The following HEATR5A variants were observed in gnomAD, a reference collection of about 807,000 sequenced individuals.
HEATR5A encodes the protein HEAT repeat-containing protein 5A.
HEATR5A carries 178 observed loss-of-function variants against 218.8 expected under a neutral mutation model. The observed-to-expected ratio is 0.81, with a 90% CI of 0.72 to 0.92. The LOEUF is 0.92. HEATR5A is among the 40% of genes least tolerant of loss of function. The probability of loss-of-function intolerance (pLI) is 0.00; values close to 1 mark genes in which losing one functional copy is unlikely to be tolerated. For missense variants in HEATR5A, 2,420 were observed against 2,418.9 expected, an observed-to-expected ratio of 1.00 and a Z score of -0.01; for synonymous variants, 864 against 871.6, an observed-to-expected ratio of 0.99 and a Z score of 0.15.
At chr14:31,378,591 T>C (rs1029027391) in intron 11 of HEATR5A, among the ~76,000 whole-genome samples, 9 of 152,040 alleles carry the variant, frequency 5.9e-5, no homozygotes, top group African/African-American at 2.2e-4. Flanking sequence ...ATCGAGGCCA[T>C]CCTGGCTAAC....
chr14:31,365,696 GCT>G lies in HEATR5A; in HGVS notation c.1962-1400_1962-1399del, dbSNP rs529312049. ...GTTGTTGTTGTCGAGACAGGGTCTTGCTCTGTCGCCCAGGCTGGATTGTAGTG... is the reference window on the plus strand; with the variant it reads ...GTTGTTGTTGTCGAGACAGGGTCTTGCTGTCGCCCAGGCTGGATTGTAGTG... On this transcript the variant is annotated intron_variant, in intron 13 of 35. Transcript: ENST00000543095. Among the ~76,000 whole-genome samples the G allele has an allele frequency of 2.8e-4, 43 of 151,232 alleles. No individual in the cohort carries two copies. The East Asian group carries it at 7.3e-3, about 26-fold the overall frequency.
At position 31,293,049 on chromosome 14, in the gene HEATR5A, T is replaced by C; in HGVS notation, c.*256A>G. On this transcript the variant is annotated 3_prime_UTR_variant, in exon 36 of 36. Transcript: ENST00000543095. ...GGATTGTTTAGTAAGTTTAGTTCTT[T>C]AGCACTTTCTTAAAATTCCTGGCAA... is the stretch of plus-strand genomic sequence containing the variant. The C allele has an allele frequency of 2.6e-6, 1 of 391,558 alleles. No homozygotes were observed. The highest frequency in any genetic ancestry group is 4.5e-6 in the Non-Finnish European group (1 of 221,530). 24.3% of individuals were successfully genotyped at this position (391,558 alleles called of 1,614,324 possible).
intron 4 of HEATR5A, among the ~76,000 whole-genome samples, chr14:31,395,831 A>G (rs2030632532): frequency 1.3e-5 from 2 of 152,236 alleles, no homozygotes; most frequent in South Asian, 2.1e-4. Flanking sequence ...CAAATGTTCA[A>G]TAGATTTGGT....
chr14:31,353,270 A>C (rs1001146364), intron 16 of HEATR5A, among the ~76,000 whole-genome samples: 14 of 152,164 alleles, frequency 9.2e-5, no homozygotes, highest in Non-Finnish European at 5.9e-5. Context: ...CCTAAACAAT[A>C]TTATCAGGGA....
rs1252721232 is a variant in HEATR5A at position 31,306,879 on chromosome 14, C to A, written c.4819G>T (p.Asp1607Tyr). 4 of 1,599,874 alleles carry A rather than the reference C, an allele frequency of 2.5e-6. No individual in the cohort carries two copies. Among genetic ancestry groups the A allele is most frequent in the Non-Finnish European group, 3.4e-6 (4 of 1,170,910 alleles). ...ACATTCAGCAATTCTATACCCAAGT[C>A]CTATCATGGAAATCATGTACAGGAC... The part of the protein sequence containing the change: ...WPRSKIGSDQ[D>Y]LGIELLNVLH... The change falls in exon 31 of 36, where the codon GAC (aspartate) becomes TAC (tyrosine). Residue 1607 changes from aspartate to tyrosine, a missense_variant and splice_region_variant. Physicochemically the swap from Asp to Tyr is radical, Grantham distance 160 (BLOSUM62 -3). Coordinates refer to ENST00000543095, the MANE Select transcript of HEATR5A (RefSeq NM_015473.4).
At chr14:31,341,474 G>GC (rs1900837941) in intron 21 of HEATR5A, among the ~76,000 whole-genome samples, 1 of 151,966 alleles carries the variant, frequency 6.6e-6, no homozygotes, top group South Asian at 2.1e-4. Flanking sequence ...GCTCACTGTT[G>GC]CCTCAACATC....
At position 31,400,331 on chromosome 14, in the gene HEATR5A, T is replaced by A. The variant is rs1368670355; in HGVS notation, c.308A>T (p.Asp103Val). 2 of 1,535,496 alleles carry A rather than the reference T, an allele frequency of 1.3e-6. No individual in the cohort carries two copies. The highest frequency in any genetic ancestry group is 3.9e-5 in the Admixed American group (2 of 51,004). The change falls in exon 3 of 36, where the codon GAT (aspartate) becomes GTT (valine). Residue 103 changes from aspartate (D) to valine (V), a missense_variant. By Grantham distance (152) the Asp-to-Val change is radical. Transcript: ENST00000543095. ...DKCNDLIRSK[D>V]DSPSYLPTKL... ...AGTGGGAAGATAACTTGGAGAATCA[T>A]CTTTGCTACGAATAAGATCATTACA...
chr14:31,354,726 A>G (rs1901359464), intron 16 of HEATR5A, among the ~76,000 whole-genome samples: 2 of 152,220 alleles, frequency 1.3e-5, no homozygotes, highest in Admixed American at 1.3e-4. Context: ...TTTATTTTAC[A>G]TTATACATTT....
chr14:31,311,186 A>G (rs888243969), intron 28 of HEATR5A, among the ~76,000 whole-genome samples: 14 of 152,216 alleles, frequency 9.2e-5, no homozygotes, highest in Middle Eastern at 3.2e-3. Context: ...GAAGAAGATT[A>G]AGAGCGGCTA....
chr14:31,407,419 T>C (rs1028271489), intron 1 of HEATR5A, among the ~76,000 whole-genome samples: 2 of 152,130 alleles, frequency 1.3e-5, no homozygotes, highest in Non-Finnish European at 2.9e-5. Context: ...CCTACAAGAT[T>C]TCTCAGGCTA....
chr14:31,347,766 G>A lies in HEATR5A; in HGVS notation c.2850C>T (p.Ser950=). 1 of 1,603,378 alleles carries A rather than the reference G, an allele frequency of 6.2e-7. No individual in the cohort carries two copies. The highest frequency in any genetic ancestry group is 8.5e-7 in the Non-Finnish European group (1 of 1,176,318). The change falls in exon 19 of 36, where the codon AGC becomes AGT. Residue 950 remains serine, a synonymous_variant. Coordinates refer to ENST00000543095, the MANE Select transcript of HEATR5A (RefSeq NM_015473.4). Reference sequence around the variant, plus strand: ...TACCCACCTGCACATCAGGAGAAGTGCTGTCCTGCGCCAAAGTATAAAGGA... The same window carrying A: ...TACCCACCTGCACATCAGGAGAAGTACTGTCCTGCGCCAAAGTATAAAGGA... ...IGILYTLAQD[S]TSPDVQTWAL... is the part of the protein sequence containing the mutation.
chr14:31,315,830 G>A lies in HEATR5A; in HGVS notation c.4158C>T (p.His1386=). ...TGGTAGAAGCACTTTCATTATATAA[G>A]TGACTTAGAGCTTCTTTTCCAGCCT... is the stretch of plus-strand genomic sequence containing the variant. ...KIQAGKEALS[H]LYNESASTME... is the part of the protein sequence containing the mutation. Residue 1386 remains histidine (H), a synonymous_variant, in exon 27 of 36, where the codon CAC becomes CAT. Coordinates refer to ENST00000543095, the MANE Select transcript of HEATR5A (RefSeq NM_015473.4). 3 of 1,613,120 alleles carry A rather than the reference G, an allele frequency of 1.9e-6. No individual in the cohort carries two copies. Among genetic ancestry groups the A allele is most frequent in the Non-Finnish European group, 2.5e-6 (3 of 1,179,482 alleles).
rs560668538 is a variant in HEATR5A, at chr14:31,339,058, C to T, written c.3229-1444G>A. Among the ~76,000 whole-genome samples, 286 of 149,314 alleles carry T rather than the reference C, an allele frequency of 1.9e-3. 1 individual carries two copies. The highest frequency in any genetic ancestry group is 6.0e-3 in the African/African-American group (244 of 40,476). ...TTGCTTGAACTTGGGAGGTGGAGGT[C>T]GCAGTGAGCCGAGATCACGCCTCTG... is the stretch of plus-strand genomic sequence containing the variant. On this transcript the variant is annotated intron_variant, in intron 21 of 35. Coordinates refer to ENST00000543095, the MANE Select transcript of HEATR5A (RefSeq NM_015473.4).
At chr14:31,410,046 G>C (rs2031221016) in intron 1 of HEATR5A, among the ~76,000 whole-genome samples, 1 of 152,134 alleles carries the variant, frequency 6.6e-6, no homozygotes, top group African/African-American at 2.4e-5. Flanking sequence ...AGATAAGATA[G>C]GTTTATTGGA....
chr14:31,400,164 T>G (rs2030818476), intron 3 of HEATR5A, 137 bp downstream of exon 3: 3 of 558,450 alleles, frequency 5.4e-6, no homozygotes, highest in Non-Finnish European at 6.2e-6. Context: ...AGTTTCTTTT[T>G]TAAGTTAGAT....
At chr14:31,397,161 T>C (rs2030686328) in intron 4 of HEATR5A, among the ~76,000 whole-genome samples, 1 of 152,188 alleles carries the variant, frequency 6.6e-6, no homozygotes. Flanking sequence ...ATCAGCTACG[T>C]CCTTCTTAAA....
chr14:31,306,709 C>T (rs200772878), intron 31 of HEATR5A, 23 bp downstream of exon 31: 160 of 1,587,788 alleles, frequency 1.0e-4, no homozygotes, highest in Non-Finnish European at 1.2e-4. Flanking sequence ...TTGATCAACT[C>T]GGCATTAAAG....
At chr14:31,358,187 T>C (rs1901492446) in intron 16 of HEATR5A, among the ~76,000 whole-genome samples, 2 of 152,156 alleles carry the variant, frequency 1.3e-5, no homozygotes, top group Admixed American at 6.6e-5. Context: ...GCCTAAAAGG[T>C]TGGGGACCAC....
In HEATR5A at chr14:31,292,921, T is replaced by G. The variant is rs1319428871; in HGVS notation, c.*384A>C. ...ATCAGCAATTGGGATACAATATTAGTGCAGATAATTTACACTAGAGTCATA... is the reference window on the plus strand; with the variant it reads ...ATCAGCAATTGGGATACAATATTAGGGCAGATAATTTACACTAGAGTCATA... On this transcript the variant is annotated 3_prime_UTR_variant, in exon 36 of 36. Coordinates refer to ENST00000543095, the MANE Select transcript of HEATR5A (RefSeq NM_015473.4). 6.2e-6 allele frequency: 1 copy of G among 160,846 alleles called. No individual in the cohort carries two copies. The highest frequency in any genetic ancestry group is 1.8e-4 in the East Asian group (1 of 5,496). 10.0% of individuals were successfully genotyped at this position (160,846 alleles called of 1,614,324 possible). A position where few individuals can be genotyped will look rare whatever the true frequency, so the allele number is the denominator to read the frequency against.
Sources: gnomAD v4.1 joint callset for allele counts (sites outside exome capture counted in the v4.1 genomes callset) on GRCh38, gnomAD v4.1.1 for gene constraint, MANE v1.5 for transcripts, NCBI Gene and HGNC (gene_info 2026-07-23, HGNC 2026-07-21) for gene names.